LARP7: variants seen among roughly 807,000 people sequenced by gnomAD.
LARP7 encodes La ribonucleoprotein 7, transcriptional regulator.
LARP7 carries 52 observed loss-of-function variants against 69.3 expected under a neutral mutation model. The observed-to-expected ratio is 0.75, with a 90% CI of 0.60 to 0.95. The LOEUF (loss-of-function observed/expected upper bound fraction) is 0.95, where lower values mean the gene tolerates loss of function less well. LARP7 is among the 40% of genes least tolerant of loss of function. The probability of loss-of-function intolerance (pLI) is 0.00; values close to 1 mark genes in which losing one functional copy is unlikely to be tolerated. For missense variants in LARP7, 733 were observed against 673.0 expected (o/e 1.09, Z -0.99); for synonymous variants, 254 against 215.9 (o/e 1.18, Z -1.55).
chr4:112,639,426 C>T (rs1406140299), intron 1 of LARP7, among the ~76,000 whole-genome samples: 7 of 151,738 alleles, frequency 4.6e-5, no homozygotes, highest in Non-Finnish European at 7.4e-5. Flanking sequence ...GAGACGTGGT[C>T]TCACCTTGTT....
rs773454900 is a variant in LARP7, at chr4:112,648,195, C to T, written c.1142+361C>T. On this transcript the variant is annotated intron_variant, in intron 8 of 12. Transcript: ENST00000344442. Reference sequence around the variant, plus strand: ...AAAGGAAGACTTACCATCACCAAAACATGGAAGCACTTACTTCTTTAGTTT... The same window carrying T: ...AAAGGAAGACTTACCATCACCAAAATATGGAAGCACTTACTTCTTTAGTTT... The T allele has an allele frequency of 5.6e-6, 3 of 532,482 alleles. No homozygotes were observed. In the African/African-American group the frequency reaches 5.8e-5, roughly 10 times the overall value. 33.0% of individuals were successfully genotyped at this position (532,482 alleles called of 1,614,324 possible).
chr4:112,643,240 G>C (rs183236471), intron 1 of LARP7, among the ~76,000 whole-genome samples: 2 of 152,300 alleles, frequency 1.3e-5, no homozygotes, highest in East Asian at 3.9e-4. Flanking sequence ...ATAAGGCAGG[G>C]GAGTTACTGT....
At chr4:112,646,731 T>C in intron 4 of LARP7, 60 bp downstream of exon 4, 2 of 1,551,626 alleles carry the variant, frequency 1.3e-6, no homozygotes, top group Non-Finnish European at 1.7e-6. Context: ...ATAATTAAGT[T>C]AAAAATTTAT....
intron 1 of LARP7, among the ~76,000 whole-genome samples, chr4:112,642,444 A>C (rs2047999121): frequency 6.6e-6 from 1 of 152,208 alleles, no homozygotes; most frequent in Non-Finnish European, 1.5e-5. Context: ...ATGAGAATGC[A>C]TGTTTAGTTG....
intron 2 of LARP7, chr4:112,645,526 G>C (rs1157058993): frequency 2.2e-6 from 1 of 456,034 alleles, no homozygotes; most frequent in Admixed American, 2.4e-5. Flanking sequence ...ATTTTTTTGA[G>C]GCAAGGTCTA....
chr4:112,654,319 C>G (rs1405930917), intron 12 of LARP7, 160 bp downstream of exon 12: 2 of 503,066 alleles, frequency 4.0e-6, no homozygotes, highest in Non-Finnish European at 7.1e-6. Flanking sequence ...AAAGTCATTT[C>G]TCTAGATTTC....
chr4:112,644,779 A>G lies in LARP7; in HGVS notation c.110A>G (p.Asp37Gly), dbSNP rs369193429. 6 of 1,608,856 alleles carry G rather than the reference A, an allele frequency of 3.7e-6. No individual in the cohort carries two copies. The African/African-American group carries it at 8.0e-5, about 22-fold the overall frequency. The change falls in exon 2 of 13, where the codon GAT (aspartate) becomes GGT (glycine). Residue 37 changes from aspartate to glycine, a missense_variant. Physicochemically the swap from Asp to Gly is moderately conservative, Grantham distance 94 (BLOSUM62 -1). Coordinates refer to ENST00000344442, the MANE Select transcript of LARP7 (RefSeq NM_016648.4). ...KRSRVKQVLA[D>G]IAKQVDFWFG... ...TCACGAGTTAAACAGGTGCTTGCAG[A>G]TATTGCTAAGCAAGTGGACTTCTGG...
Position 112,653,135 on chromosome 4 carries a change from A to T in LARP7, c.1475A>T (p.Glu492Val), listed in dbSNP as rs1291008973. Residue 492 changes from glutamate to valine, a missense_variant, in exon 11 of 13, where the codon GAA becomes GTA. Glu to Val is a moderately radical substitution (Grantham distance 121, BLOSUM62 -2). Coordinates refer to ENST00000344442, the MANE Select transcript of LARP7 (RefSeq NM_016648.4). ...LYVDLLEGDT[E>V]CHARFKTPED... ...GTTGATTTGCTAGAAGGGGATACAG[A>T]ATGCCATGCTAGATTTAAAACTCCT... The T allele has an allele frequency of 2.5e-6, 4 of 1,611,270 alleles. No individual in the cohort carries two copies. The highest frequency in any genetic ancestry group is 3.4e-6 in the Non-Finnish European group (4 of 1,178,828).
chr4:112,651,358 A>G (rs148713921), intron 10 of LARP7, among the ~76,000 whole-genome samples: 1 of 152,270 alleles, frequency 6.6e-6, no homozygotes, highest in East Asian at 1.9e-4. Flanking sequence ...ACTGTCCTAC[A>G]ATCCTATAGC....
intron 8 of LARP7, 106 bp from the exon 9 acceptor site, chr4:112,649,429 G>C (rs2048595745): frequency 2.3e-6 from 2 of 886,898 alleles, no homozygotes; most frequent in African/African-American, 1.8e-5. Flanking sequence ...AAACAGGAAA[G>C]TTGGTGGAGG....
At chr4:112,652,772 G>A (rs180768122) in intron 10 of LARP7, among the ~76,000 whole-genome samples, 15 of 150,704 alleles carry the variant, frequency 1.0e-4, no homozygotes, top group African/African-American at 3.7e-4. Context: ...GGGGGTTGGG[G>A]GACACTATTT....
In LARP7 at chr4:112,647,853, T is replaced by A. The variant is rs368723744; in HGVS notation, c.1142+19T>A. The A allele has an allele frequency of 6.8e-5, 104 of 1,531,650 alleles. No individual in the cohort carries two copies. In the African/African-American group the frequency reaches 1.3e-3, roughly 19 times the overall value. The allele number at this position is 1,531,650 out of a possible 1,614,324, so 94.9% of individuals were successfully genotyped here. A position where few individuals can be genotyped will look rare whatever the true frequency, so the allele number is the denominator to read the frequency against. ...TATCAAAGTAAGTCTGTGGTTTAAA[T>A]TCTGTCATTGGCTTAACAATCCATC... On this transcript the variant is annotated intron_variant, in intron 8 of 12. Transcript: ENST00000344442.
Position 112,646,632 on chromosome 4 carries a change from G to C in LARP7, c.348G>C (p.Gly116=), listed in dbSNP as rs2048268906. 1.9e-6 allele frequency: 3 copies of C among 1,604,726 alleles called. No homozygotes were observed. Among genetic ancestry groups the C allele is most frequent in the Non-Finnish European group, 2.6e-6 (3 of 1,175,092 alleles). ...GAATCCGGAGGAAAAAACCTCTGGG[G>C]GAAAGACCAAAGGATGAGGATGAAC... ...GTRIRRKKPL[G]ERPKDEDERT... is the part of the protein sequence containing the mutation. Residue 116 remains glycine, a synonymous_variant, in exon 4 of 13, where the codon GGG becomes GGC. Transcript: ENST00000344442.
intron 8 of LARP7, 74 bp from the exon 9 acceptor site, chr4:112,649,461 A>G: frequency 1.6e-6 from 2 of 1,230,912 alleles, no homozygotes; most frequent in Non-Finnish European, 2.2e-6. Context: ...GTCATTGTGA[A>G]TGTATATATT....
chr4:112,648,266 G>T (rs2048458913), intron 8 of LARP7: 1 of 528,482 alleles, frequency 1.9e-6, no homozygotes, highest in African/African-American at 1.9e-5. Context: ...CCCAGTCTTG[G>T]AAAAAGTTAG....
chr4:112,637,743 G>A (rs985613394), intron 1 of LARP7: 1 of 152,190 alleles, frequency 6.6e-6, no homozygotes, highest in Non-Finnish European at 1.5e-5. Flanking sequence ...AGAAACTTAA[G>A]AGAAAACAAA....
intron 2 of LARP7, among the ~76,000 whole-genome samples, chr4:112,645,920 T>TTGTGTTCA: frequency 6.6e-6 from 1 of 152,294 alleles, no homozygotes; most frequent in East Asian, 1.9e-4. Context: ...GTTCAAATCT[T>TTGTGTTCA]AATCTGCAGT....
In LARP7 at chr4:112,644,290, CG is replaced by C. The variant is rs1369747535; in HGVS notation, c.-2-371del. The stretch of plus-strand genomic sequence containing the variant: ...CAACTTCTCTGGGGTGGGGCGGGGG[CG>C]GGGGGGTGTTGCGATGGAGAGGAGG... On this transcript the variant is annotated intron_variant, in intron 1 of 12. Transcript: ENST00000344442. The C allele has an allele frequency of 2.0e-4, 25 of 125,826 alleles. 1 individual carries two copies. The highest frequency in any genetic ancestry group is 2.2e-4 in the Admixed American group (1 of 4,486). The allele number at this position is 125,826 out of a possible 1,614,324, so 7.8% of individuals were successfully genotyped here. A position where few individuals can be genotyped will look rare whatever the true frequency, so the allele number is the denominator to read the frequency against.
Position 112,647,536 on chromosome 4 carries a change from C to G in LARP7, c.984C>G (p.Ser328=). 3 of 1,600,734 alleles carry G rather than the reference C, an allele frequency of 1.9e-6. No individual in the cohort carries two copies. The highest frequency in any genetic ancestry group is 1.7e-6 in the Non-Finnish European group (2 of 1,174,864). Residue 328 remains serine (S), a synonymous_variant, in exon 7 of 13, where the codon TCC becomes TCG. Transcript: ENST00000344442. ...TCATTAAGGAAGCATCAGAAGCTTC[C>G]AAGGAAAATAGAGGTAAAACTACAA... is the stretch of plus-strand genomic sequence containing the variant. ...KDIIKEASEA[S]KENRDIEIST...
Sources: allele counts gnomAD v4.1 joint callset (sites outside exome capture counted in the v4.1 genomes callset), GRCh38; gene constraint gnomAD v4.1.1; transcripts MANE v1.5; gene names NCBI Gene and HGNC (gene_info 2026-07-23, HGNC 2026-07-21).